The following NFATC1 variants were observed in gnomAD, a reference collection of about 807,000 sequenced individuals.
NFATC1 encodes nuclear factor of activated T cells 1.
In NFATC1, 22 loss-of-function variants were observed where a neutral mutation model predicts 76.0. That is an observed-to-expected ratio of 0.29 (90% CI 0.21 to 0.41). The LOEUF is 0.41. Among genes scored for constraint, NFATC1 ranks in the 10% least tolerant of loss-of-function variants. The probability of loss-of-function intolerance (pLI) is 1.00; values close to 1 mark genes in which losing one functional copy is unlikely to be tolerated. For synonymous variants in NFATC1, 704 were observed against 613.1 expected, an observed-to-expected ratio of 1.15 and a Z score of -2.19; for missense variants, 1,357 against 1,337.7, an observed-to-expected ratio of 1.01 and a Z score of -0.23.
In NFATC1 at chr18:79,483,269, G is replaced by A. The variant is rs377310482; in HGVS notation, c.2093-2979G>A. On this transcript the variant is annotated intron_variant, in intron 8 of 9. Transcript: ENST00000427363. Reference sequence around the variant, plus strand: ...CTCCAGCGTGACCTGGTCCTGGGGCGTCACTCCAGCGTGACCTGGTCCTGG... The same window carrying A: ...CTCCAGCGTGACCTGGTCCTGGGGCATCACTCCAGCGTGACCTGGTCCTGG... Among the ~76,000 whole-genome samples, 176 of 134,342 alleles carry A rather than the reference G, an allele frequency of 1.3e-3. 12 individuals are homozygous for A. The highest frequency in any genetic ancestry group is 3.7e-3 in the African/African-American group (131 of 35,332). 88.1% of individuals were successfully genotyped at this position (134,342 alleles called of 152,430 possible).
Position 79,503,577 on chromosome 18 carries a change from A to G in NFATC1, c.2782+16640A>G, listed in dbSNP as rs542136961. 2.0e-5 allele frequency among the ~76,000 whole-genome samples: 3 copies of G among 152,326 alleles called. No homozygotes were observed. In the South Asian group the frequency reaches 6.2e-4, roughly 32 times the overall value. On this transcript the variant is annotated intron_variant, in intron 9 of 9. Coordinates refer to ENST00000427363, the MANE Select transcript of NFATC1 (RefSeq NM_001278669.2). ...GTCGCTCCATGGGTGGCGCACAGGC[A>G]GAGGAGATTCCGCGTCATTCTTAGG...
intron 2 of NFATC1, among the ~76,000 whole-genome samples, chr18:79,425,403 C>T (rs1307986280): frequency 2.0e-5 from 3 of 152,248 alleles, no homozygotes; most frequent in Non-Finnish European, 4.4e-5. Flanking sequence ...AAACCCTCGC[C>T]CTCCTGAAGC....
chr18:79,509,843 G>A (rs1173917723), intron 9 of NFATC1, among the ~76,000 whole-genome samples: 1 of 152,186 alleles, frequency 6.6e-6, no homozygotes, highest in Non-Finnish European at 1.5e-5. Context: ...ACTTTCTCTG[G>A]GCTGACCTCA....
intron 9 of NFATC1, among the ~76,000 whole-genome samples, chr18:79,522,160 TG>T (rs2090617406): frequency 6.1e-5 from 1 of 16,278 alleles, no homozygotes; most frequent in Non-Finnish European, 1.1e-4. Context: ...TCTGTGTGTG[TG>T]TGGGGGGGTA....
intron 2 of NFATC1, among the ~76,000 whole-genome samples, chr18:79,423,415 A>G (rs1479748015): frequency 6.6e-6 from 1 of 152,130 alleles, no homozygotes; most frequent in Non-Finnish European, 1.5e-5. Flanking sequence ...CCTTCTTCCC[A>G]AAGGCGGCGT....
chr18:79,445,710 A>T (rs1568971243), intron 3 of NFATC1, among the ~76,000 whole-genome samples: 1 of 152,216 alleles, frequency 6.6e-6, no homozygotes, highest in East Asian at 1.9e-4. Context: ...ATTTCCCTTT[A>T]GGCTGACGGC....
chr18:79,414,902 T>C lies in NFATC1; in HGVS notation c.1226+3401T>C, dbSNP rs528810060. On this transcript the variant is annotated intron_variant, in intron 2 of 9. Coordinates refer to ENST00000427363, the MANE Select transcript of NFATC1 (RefSeq NM_001278669.2). ...GAGGAGGCCAGGGCGAGAGTGCACG[T>C]TGAAGGCTGTGCGGGTTATTTATAA... Among the ~76,000 whole-genome samples, 70 of 152,286 alleles carry C rather than the reference T, an allele frequency of 4.6e-4. No homozygotes were observed. The South Asian group carries it at 0.014, about 31-fold the overall frequency.
At chr18:79,480,012 T>C (rs561857420) in intron 8 of NFATC1, among the ~76,000 whole-genome samples, 203 of 152,274 alleles carry the variant, frequency 1.3e-3, no homozygotes, top group African/African-American at 4.6e-3. Flanking sequence ...AGGGGCACTG[T>C]GGCAGGAACA....
At chr18:79,416,429 C>T (rs374130024) in intron 2 of NFATC1, among the ~76,000 whole-genome samples, 1 of 152,164 alleles carries the variant, frequency 6.6e-6, no homozygotes, top group Non-Finnish European at 1.5e-5. Flanking sequence ...CTTTTGACAG[C>T]TCCCAGGTCC....
intron 3 of NFATC1, among the ~76,000 whole-genome samples, chr18:79,444,363 C>T (rs2087108189): frequency 6.6e-6 from 1 of 152,242 alleles, no homozygotes; most frequent in Non-Finnish European, 1.5e-5. Flanking sequence ...CCCGTTCCTT[C>T]TCTGCACTGC....
At chr18:79,437,288 G>A (rs539376860) in intron 3 of NFATC1, among the ~76,000 whole-genome samples, 9 of 152,352 alleles carry the variant, frequency 5.9e-5, no homozygotes, top group African/African-American at 2.2e-4. Context: ...AGATGAAGAC[G>A]CCTGCTTAGG....
intron 8 of NFATC1, among the ~76,000 whole-genome samples, chr18:79,480,215 C>T (rs866250042): frequency 2.0e-5 from 3 of 152,180 alleles, no homozygotes; most frequent in Non-Finnish European, 2.9e-5. Flanking sequence ...TAGCTCTGGG[C>T]GGAAGAGAAG....
At chr18:79,521,415 G>GA (rs2090561388) in intron 9 of NFATC1, among the ~76,000 whole-genome samples, 1 of 98,724 alleles carries the variant, frequency 1.0e-5, no homozygotes. Context: ...GTGTGTGGGG[G>GA]GCATCCACTG....
rs751735616 is a variant in NFATC1, at chr18:79,486,686, C to T, written c.2531C>T (p.Pro844Leu). Residue 844 changes from proline (P) to leucine (L), a missense_variant, in exon 9 of 10, where the codon CCC becomes CTC. Transcript: ENST00000427363. ...CCTGGTCTCGAACACTCGCTCTGCC[C>T]CAGCAGCCCCTCTCCTCCACTCCCG... ...CPPGLEHSLC[P>L]SSPSPPLPPA... 6.2e-7 allele frequency: 1 copy of T among 1,601,246 alleles called. No homozygotes were observed. Among genetic ancestry groups the T allele is most frequent in the Non-Finnish European group, 8.5e-7 (1 of 1,176,338 alleles).
At chr18:79,498,505 AAG>A (rs1317670603) in intron 9 of NFATC1, among the ~76,000 whole-genome samples, 1 of 148,038 alleles carries the variant, frequency 6.8e-6, no homozygotes, top group Non-Finnish European at 1.5e-5. Context: ...AGAAAGAAGA[AAG>A]AATCAATAAA....
At chr18:79,414,622 C>G (rs932929845) in intron 2 of NFATC1, among the ~76,000 whole-genome samples, 1 of 152,148 alleles carries the variant, frequency 6.6e-6, no homozygotes, top group Non-Finnish European at 1.5e-5. Flanking sequence ...GAGTTTGGAG[C>G]CATTTTAGAG....
intron 8 of NFATC1, among the ~76,000 whole-genome samples, chr18:79,478,462 G>T (rs1423036444): frequency 1.3e-5 from 2 of 152,196 alleles, no homozygotes; most frequent in African/African-American, 4.8e-5. Flanking sequence ...CTGCCCTGGG[G>T]CTGCATAGAC....
rs2089592139 is a variant in NFATC1 at position 79,488,612 on chromosome 18, G to A, written c.2782+1675G>A. On this transcript the variant is annotated intron_variant, in intron 9 of 9. Coordinates refer to ENST00000427363, the MANE Select transcript of NFATC1 (RefSeq NM_001278669.2). The stretch of plus-strand genomic sequence containing the variant: ...CCTTGTCCACCCGCGAGGCCAGCCG[G>A]AGCTCCGCATGGGGCCCATGTCCCT... Among the ~76,000 whole-genome samples the A allele has an allele frequency of 3.3e-5, 5 of 152,318 alleles. No homozygotes were observed. In the South Asian group the frequency reaches 1.0e-3, roughly 32 times the overall value.
In NFATC1 at chr18:79,440,192, C is replaced by G. The variant is rs370708958; in HGVS notation, c.1386+6454C>G. On this transcript the variant is annotated intron_variant, in intron 3 of 9. Coordinates refer to ENST00000427363, the MANE Select transcript of NFATC1 (RefSeq NM_001278669.2). ...CTCCAAAATCTTCTATTAGTAATTT[C>G]AGAGCTTTGGCTTCTTGGTGCTTTG... Among the ~76,000 whole-genome samples, 74 of 152,308 alleles carry G rather than the reference C, an allele frequency of 4.9e-4. 1 individual carries two copies. The highest frequency in any genetic ancestry group is 3.4e-3 in the Middle Eastern group (1 of 294).
Sources: allele counts gnomAD v4.1 joint callset (sites outside exome capture counted in the v4.1 genomes callset), GRCh38; gene constraint gnomAD v4.1.1; transcripts MANE v1.5; gene names NCBI Gene and HGNC (gene_info 2026-07-23, HGNC 2026-07-21).